NPLOC4: variants seen among roughly 807,000 people sequenced by gnomAD.
The protein encoded by NPLOC4 is nuclear protein localization protein 4 homolog.
Under a neutral mutation model 80.6 loss-of-function variants are expected in NPLOC4, and 18 were observed. That is an observed-to-expected ratio of 0.22 (90% confidence interval 0.15 to 0.33). NPLOC4 has a LOEUF of 0.33. Among genes scored for constraint, NPLOC4 ranks in the 10% least tolerant of loss-of-function variants. The pLI, the probability that NPLOC4 is intolerant of heterozygous loss-of-function variation, is 1.00. For missense variants in NPLOC4, 540 were observed against 786.1 expected, an observed-to-expected ratio of 0.69 and a Z score of 3.74; for synonymous variants, 313 against 301.5, an observed-to-expected ratio of 1.04 and a Z score of -0.39.
chr17:81,615,313 T>C (rs1434369857), intron 3 of NPLOC4, among the ~76,000 whole-genome samples: 1 of 152,082 alleles, frequency 6.6e-6, no homozygotes, highest in African/African-American at 2.4e-5. Flanking sequence ...TTGGACAGGC[T>C]GGTCTCGAAC....
At chr17:81,633,745 C>G (rs1000588406) in intron 1 of NPLOC4, among the ~76,000 whole-genome samples, 3 of 152,182 alleles carry the variant, frequency 2.0e-5, no homozygotes, top group Non-Finnish European at 4.4e-5. Context: ...GCTCTGTCAC[C>G]CAGAGTGGGA....
At chr17:81,590,357 G>T (rs1443485878) in intron 11 of NPLOC4, among the ~76,000 whole-genome samples, 1 of 152,216 alleles carries the variant, frequency 6.6e-6, no homozygotes, top group Non-Finnish European at 1.5e-5. Flanking sequence ...GTGTGGTCCA[G>T]TTAGACCAGA....
At chr17:81,629,658 G>A in intron 2 of NPLOC4, 67 bp downstream of exon 2, 1 of 1,151,758 alleles carries the variant, frequency 8.7e-7, no homozygotes, top group East Asian at 2.3e-5. Flanking sequence ...AAAGAGAAAA[G>A]GTATCGATGG....
intron 12 of NPLOC4, among the ~76,000 whole-genome samples, chr17:81,583,867 G>GT (rs2034506067): frequency 1.3e-5 from 2 of 152,138 alleles, no homozygotes; most frequent in Admixed American, 1.3e-4. Context: ...ATGCCTATAC[G>GT]TGTCTTCAAG....
intron 3 of NPLOC4, among the ~76,000 whole-genome samples, chr17:81,619,516 C>G (rs898925469): frequency 6.9e-6 from 1 of 145,276 alleles, no homozygotes; most frequent in Non-Finnish European, 1.5e-5. Flanking sequence ...TGCCACTGCA[C>G]TCTAGCCTGG....
rs11541223 is a variant in NPLOC4, at chr17:81,604,611, C to G, written c.771G>C (p.Thr257=). Residue 257 remains threonine, a synonymous_variant, in exon 8 of 17, where the codon ACG becomes ACC. Transcript: ENST00000331134. Reference sequence around the variant, plus strand: ...TGCCAAGGGGAATGTCTTTGTGCTCCGTGTACCGTCCGTATAAGTACCCAA... The same window carrying G: ...TGCCAAGGGGAATGTCTTTGTGCTCGGTGTACCGTCCGTATAAGTACCCAA... ...QHFGYLYGRY[T]EHKDIPLGIR... is the part of the protein sequence containing the mutation. The G allele has an allele frequency of 0.1, 163,100 of 1,613,364 alleles. 9,645 individuals are homozygous for G. The highest frequency in any genetic ancestry group is 0.26 in the Admixed American group (15,637 of 59,886).
At chr17:81,582,976 C>G (rs375745772) in intron 12 of NPLOC4, among the ~76,000 whole-genome samples, 2 of 152,286 alleles carry the variant, frequency 1.3e-5, no homozygotes, top group Non-Finnish European at 2.9e-5. Flanking sequence ...GGCCTCCTCC[C>G]TGCGGCGCCG....
At chr17:81,607,883 T>C (rs999405569) in intron 6 of NPLOC4, among the ~76,000 whole-genome samples, 1 of 152,208 alleles carries the variant, frequency 6.6e-6, no homozygotes, top group Non-Finnish European at 1.5e-5. Flanking sequence ...GAATATGACA[T>C]CCTTCACAAA....
intron 2 of NPLOC4, 28 bp from the exon 3 acceptor site, chr17:81,622,306 T>G: frequency 6.7e-7 from 1 of 1,489,698 alleles, no homozygotes; most frequent in Non-Finnish European, 9.4e-7. Context: ...GAACAGAAAT[T>G]TAATGAAATG....
rs1332255757 is a variant in NPLOC4, at chr17:81,636,818, G to A, written c.15+98C>T. 5.6e-6 allele frequency: 7 copies of A among 1,247,226 alleles called. 1 individual carries two copies. The highest frequency in any genetic ancestry group is 4.5e-5 in the South Asian group (2 of 44,152). 77.3% of individuals were successfully genotyped at this position (1,247,226 alleles called of 1,614,324 possible). A position where few individuals can be genotyped will look rare whatever the true frequency, so the allele number is the denominator to read the frequency against. On this transcript the variant is annotated intron_variant, in intron 1 of 16. Coordinates refer to ENST00000331134, the MANE Select transcript of NPLOC4 (RefSeq NM_017921.4). ...TGGCGAGAGAAGAGAAAGGGGCCGA[G>A]TCGCGGCGCCGGCAGGCCCGCCTCC...
At chr17:81,623,464 CAA>C (rs60092546) in intron 2 of NPLOC4, among the ~76,000 whole-genome samples, 3 of 82,600 alleles carry the variant, frequency 3.6e-5, no homozygotes, top group Admixed American at 3.6e-4. Flanking sequence ...GACTTTGTTT[CAA>C]AAAAAAAAAA....
chr17:81,600,257 C>T (rs2035028416), intron 9 of NPLOC4, 84 bp downstream of exon 9: 1 of 924,972 alleles, frequency 1.1e-6, no homozygotes, highest in Non-Finnish European at 1.7e-6. Context: ...CGACACAGCC[C>T]GGCCACTCTC....
intron 1 of NPLOC4, among the ~76,000 whole-genome samples, chr17:81,636,656 T>G (rs2036084017): frequency 6.6e-6 from 1 of 152,108 alleles, no homozygotes; most frequent in Non-Finnish European, 1.5e-5. Context: ...CCATTCTCCC[T>G]GCTTAGAAAG....
chr17:81,569,996 T>C (rs1490713120), intron 13 of NPLOC4, among the ~76,000 whole-genome samples: 4 of 152,232 alleles, frequency 2.6e-5, no homozygotes, highest in Non-Finnish European at 4.4e-5. Context: ...TTAGGGGAAC[T>C]ATTCTGGTTC....
intron 1 of NPLOC4, among the ~76,000 whole-genome samples, chr17:81,631,421 C>CATATATATATATATATATAT (rs1415379403): frequency 2.4e-4 from 12 of 49,474 alleles, no homozygotes; most frequent in Non-Finnish European, 2.9e-4. Context: ...TTAAAGTGTA[C>CATATATATATATATATATAT]ATATATATAT....
chr17:81,584,223 T>A (rs1321342094), intron 12 of NPLOC4, among the ~76,000 whole-genome samples: 1 of 152,196 alleles, frequency 6.6e-6, no homozygotes, highest in Non-Finnish European at 1.5e-5. Context: ...CAACTGATAT[T>A]TTCCTGAAAC....
At chr17:81,626,952 T>C (rs1260884676) in intron 2 of NPLOC4, among the ~76,000 whole-genome samples, 1 of 150,858 alleles carries the variant, frequency 6.6e-6, no homozygotes, top group Non-Finnish European at 1.5e-5. Context: ...CAGCTGGGCA[T>C]GGTGGTGCGA....
chr17:81,597,990 G>T (rs1040651939), intron 9 of NPLOC4, among the ~76,000 whole-genome samples: 18 of 151,042 alleles, frequency 1.2e-4, no homozygotes, highest in Non-Finnish European at 1.9e-4. Context: ...AGCTACTCAG[G>T]AGGCTGAGGC....
chr17:81,576,099 A>G (rs1002358431), intron 12 of NPLOC4, among the ~76,000 whole-genome samples: 1 of 152,258 alleles, frequency 6.6e-6, no homozygotes, highest in Non-Finnish European at 1.5e-5. Context: ...GAAGTAAGAC[A>G]TGAGGAGACA....
Sources: gnomAD v4.1 joint callset for allele counts (sites outside exome capture counted in the v4.1 genomes callset) on GRCh38, gnomAD v4.1.1 for gene constraint, MANE v1.5 for transcripts, NCBI Gene and HGNC (gene_info 2026-07-23, HGNC 2026-07-21) for gene names.